Variants in SORCS1 observed in about 807,000 individuals in gnomAD.
The protein encoded by SORCS1 is VPS10 domain-containing receptor SorCS1.
SORCS1 carries 60 observed loss-of-function variants against 146.1 expected under a neutral mutation model. That is an observed-to-expected ratio of 0.41 (90% CI 0.33 to 0.51). SORCS1 has a LOEUF of 0.51. SORCS1 is among the 20% of genes least tolerant of loss of function. The pLI, the probability that SORCS1 is intolerant of heterozygous loss-of-function variation, is 0.21. For synonymous variants in SORCS1, 637 were observed against 584.0 expected (o/e 1.09, Z -1.31); for missense variants, 1,352 against 1,487.6 (o/e 0.91, Z 1.50).
intron 17 of SORCS1, among the ~76,000 whole-genome samples, chr10:106,665,851 TGTTTTGAGACAGA>T (rs1473821941): frequency 6.6e-6 from 1 of 152,126 alleles, no homozygotes; most frequent in Non-Finnish European, 1.5e-5. Flanking sequence ...TTTGTTTGTT[TGTTTTGAGACAGA>T]GTCTCACTCT....
intron 6 of SORCS1, among the ~76,000 whole-genome samples, chr10:106,729,553 C>T (rs1310781356): frequency 1.3e-5 from 2 of 151,708 alleles, no homozygotes; most frequent in African/African-American, 4.8e-5. Flanking sequence ...AACAATTCAA[C>T]ACAAAAGAGT....
chr10:106,946,119 A>G (rs1233347756), intron 2 of SORCS1, among the ~76,000 whole-genome samples: 1 of 152,202 alleles, frequency 6.6e-6, no homozygotes, highest in African/African-American at 2.4e-5. Context: ...TATCACCTAC[A>G]CATAAGGCAG....
At chr10:106,962,411 A>AAG (rs1329334921) in intron 1 of SORCS1, among the ~76,000 whole-genome samples, 8 of 150,354 alleles carry the variant, frequency 5.3e-5, no homozygotes, top group African/African-American at 1.7e-4. Flanking sequence ...AAAAAAAAAA[A>AAG]AAAAGAAAGA....
chr10:106,576,327 GT>G lies in SORCS1; in HGVS notation c.*1092del, dbSNP rs1347047794. 1.3e-5 allele frequency: 2 copies of G among 152,362 alleles called. No homozygotes were observed. The highest frequency in any genetic ancestry group is 4.8e-5 in the African/African-American group (2 of 41,464). 9.4% of individuals were successfully genotyped at this position (152,362 alleles called of 1,614,324 possible). A position where few individuals can be genotyped will look rare whatever the true frequency, so the allele number is the denominator to read the frequency against. Reference sequence around the variant, plus strand: ...AGGCCAGTATTTAGGAAACGTCAGGGTTAATGTCCAGAATCTAGCAATATGT... The same window carrying G: ...AGGCCAGTATTTAGGAAACGTCAGGGTAATGTCCAGAATCTAGCAATATGT... On this transcript the variant is annotated 3_prime_UTR_variant, in exon 26 of 26. Coordinates refer to ENST00000263054, the MANE Select transcript of SORCS1 (RefSeq NM_052918.5).
intron 9 of SORCS1, among the ~76,000 whole-genome samples, chr10:106,691,469 T>A (rs1175623530): frequency 6.6e-6 from 1 of 152,236 alleles, no homozygotes; most frequent in Non-Finnish European, 1.5e-5. Flanking sequence ...AATTAATAGT[T>A]ATTTCTTATT....
intron 2 of SORCS1, among the ~76,000 whole-genome samples, chr10:106,834,116 C>T (rs1485398443): frequency 1.3e-5 from 2 of 152,126 alleles, no homozygotes; most frequent in Admixed American, 1.3e-4. Flanking sequence ...TCTAGTGCCC[C>T]TCTGTAAGTC....
At chr10:107,030,771 C>A (rs1431645887) in intron 1 of SORCS1, among the ~76,000 whole-genome samples, 1 of 151,722 alleles carries the variant, frequency 6.6e-6, no homozygotes, top group Admixed American at 6.6e-5. Flanking sequence ...TTTTAAAAAC[C>A]AAAGAAAGGG....
intron 1 of SORCS1, among the ~76,000 whole-genome samples, chr10:107,051,078 G>A (rs1478589237): frequency 2.6e-5 from 4 of 151,686 alleles, no homozygotes; most frequent in Admixed American, 6.6e-5. Context: ...AATGGATCAG[G>A]CACTCTTTTA....
intron 1 of SORCS1, among the ~76,000 whole-genome samples, chr10:107,136,043 GT>G: frequency 6.6e-6 from 1 of 151,828 alleles, no homozygotes; most frequent in East Asian, 1.9e-4. Flanking sequence ...ATAACCTCTG[GT>G]TTTTCTTTTA....
In SORCS1 at chr10:106,659,578, C is replaced by G. The variant is rs141666509; in HGVS notation, c.2304-7025G>C. On this transcript the variant is annotated intron_variant, in intron 17 of 25. Transcript: ENST00000263054. ...TGGAAATGTTAAAGCTTGAAGGGGT[C>G]TCTAAGATCATCCAACACTATCCTT... 2.3e-3 allele frequency among the ~76,000 whole-genome samples: 351 copies of G among 152,252 alleles called. 2 individuals are homozygous for G. Among genetic ancestry groups the G allele is most frequent in the African/African-American group, 8.0e-3 (334 of 41,548 alleles).
intron 2 of SORCS1, among the ~76,000 whole-genome samples, chr10:106,882,187 T>A (rs1950826641): frequency 6.6e-6 from 1 of 152,172 alleles, no homozygotes; most frequent in African/African-American, 2.4e-5. Flanking sequence ...GTATCCAATC[T>A]TTTGACTTCC....
chr10:107,137,260 C>T (rs1486147877), intron 1 of SORCS1, among the ~76,000 whole-genome samples: 1 of 152,154 alleles, frequency 6.6e-6, no homozygotes, highest in Non-Finnish European at 1.5e-5. Flanking sequence ...CCAGAGCATT[C>T]CGAGGCCAAC....
chr10:107,122,315 T>C (rs1966455056), intron 1 of SORCS1, among the ~76,000 whole-genome samples: 1 of 152,182 alleles, frequency 6.6e-6, no homozygotes, highest in Non-Finnish European at 1.5e-5. Flanking sequence ...CCATTAGAAG[T>C]CTGATTTTCA....
At chr10:107,111,980 T>G (rs369416383) in intron 1 of SORCS1, among the ~76,000 whole-genome samples, 7 of 152,248 alleles carry the variant, frequency 4.6e-5, no homozygotes, top group African/African-American at 1.7e-4. Context: ...GCAACTGTAA[T>G]GCTAAAGGGA....
intron 2 of SORCS1, among the ~76,000 whole-genome samples, chr10:106,832,393 T>C (rs1948590049): frequency 6.6e-6 from 1 of 152,124 alleles, no homozygotes. Flanking sequence ...TTCACCATGT[T>C]GGTCAGGCTG....
At chr10:106,908,041 G>T (rs1452820660) in intron 2 of SORCS1, among the ~76,000 whole-genome samples, 2 of 152,090 alleles carry the variant, frequency 1.3e-5, no homozygotes, top group Non-Finnish European at 2.9e-5. Context: ...AGCATATGGT[G>T]CCTTAAGTTC....
At chr10:106,978,163 G>A (rs1054225624) in intron 1 of SORCS1, among the ~76,000 whole-genome samples, 10 of 152,022 alleles carry the variant, frequency 6.6e-5, no homozygotes, top group Non-Finnish European at 1.5e-4. Context: ...CAGGCTAGTC[G>A]CGAACCCCTG....
At chr10:107,056,743 C>A (rs1283149707) in intron 1 of SORCS1, among the ~76,000 whole-genome samples, 1 of 152,226 alleles carries the variant, frequency 6.6e-6, no homozygotes, top group Non-Finnish European at 1.5e-5. Context: ...AACGTGTTCT[C>A]TGCTCACCCA....
At chr10:106,787,114 A>C (rs1174738100) in intron 3 of SORCS1, among the ~76,000 whole-genome samples, 1 of 152,224 alleles carries the variant, frequency 6.6e-6, no homozygotes. Context: ...ACTCTCTAAT[A>C]AAAGAACCTA....
Sources: gnomAD v4.1 joint callset for allele counts (sites outside exome capture counted in the v4.1 genomes callset) on GRCh38, gnomAD v4.1.1 for gene constraint, MANE v1.5 for transcripts, NCBI Gene and HGNC (gene_info 2026-07-23, HGNC 2026-07-21) for gene names.